Variants in CDH18 observed in about 807,000 individuals in gnomAD.
The protein encoded by CDH18 is cadherin 18, also known as cadherin-18.
Under a neutral mutation model 67.9 loss-of-function variants are expected in CDH18, and 31 were observed. The ratio of observed to expected loss-of-function variants is 0.46; its 90% CI spans 0.34 to 0.62. CDH18 has a LOEUF of 0.62. Among genes scored for constraint, CDH18 ranks in the 20% least tolerant of loss-of-function variants. CDH18 has a pLI of 0.01. For missense variants in CDH18, 890 were observed against 975.5 expected (o/e 0.91, Z 1.17); for synonymous variants, 362 against 347.2 (o/e 1.04, Z -0.48).
chr5:20,050,294 G>A (rs971412441), intron 2 of CDH18, among the ~76,000 whole-genome samples: 3 of 151,782 alleles, frequency 2.0e-5, no homozygotes, highest in African/African-American at 7.2e-5. Context: ...ATTTGGGTAT[G>A]CTGTAGCCAA....
At position 19,994,701 on chromosome 5, in the gene CDH18, GTATATATATATA is replaced by G. The variant is rs1166254040; in HGVS notation, c.-517-2699_-517-2688del. ...CCAAGTCAAATGCTAACCTCTTCCA[GTATATATATATA>G]TATATATATATATATATATATATAT... On this transcript the variant is annotated intron_variant, in intron 2 of 14. Coordinates refer to the CDH18 transcript ENST00000507958. 7.1e-3 allele frequency among the ~76,000 whole-genome samples: 159 copies of G among 22,448 alleles called. 3 individuals carry two copies. Among genetic ancestry groups the G allele is most frequent in the African/African-American group, 0.011 (56 of 4,900 alleles). 14.7% of individuals were successfully genotyped at this position (22,448 alleles called of 152,430 possible).
At position 19,854,598 on chromosome 5, in the gene CDH18, A is replaced by G. The variant is rs1272123890; in HGVS notation, c.-256-15356T>C. Among the ~76,000 whole-genome samples, 4 of 152,062 alleles carry G rather than the reference A, an allele frequency of 2.6e-5. No individual in the cohort carries two copies. The East Asian group carries it at 7.7e-4, about 29-fold the overall frequency. On this transcript the variant is annotated intron_variant, in intron 2 of 12. Transcript: ENST00000382275. The stretch of plus-strand genomic sequence containing the variant: ...AAAATGGAAATGTTATGGTACCATA[A>G]AAGTTCACCTGTTAACATTTACAGA...
At chr5:19,558,516 C>A (rs1172950871) in intron 8 of CDH18, among the ~76,000 whole-genome samples, 1 of 151,892 alleles carries the variant, frequency 6.6e-6, no homozygotes, top group East Asian at 1.9e-4. Flanking sequence ...TTATGAACAA[C>A]TTTATGCACA....
intron 3 of CDH18, among the ~76,000 whole-genome samples, chr5:19,833,579 G>C (rs1359925454): frequency 2.0e-5 from 3 of 152,108 alleles, no homozygotes; most frequent in African/African-American, 7.2e-5. Flanking sequence ...TGGTGAGAGA[G>C]GGCATCGTTG....
chr5:19,564,777 C>T (rs1427461999), intron 8 of CDH18, among the ~76,000 whole-genome samples: 1 of 152,036 alleles, frequency 6.6e-6, no homozygotes, highest in Non-Finnish European at 1.5e-5. Flanking sequence ...TGATTCCAGG[C>T]GTTGGCTCAG....
At chr5:19,683,528 T>G (rs1162084523) in intron 5 of CDH18, among the ~76,000 whole-genome samples, 1 of 152,076 alleles carries the variant, frequency 6.6e-6, no homozygotes, top group African/African-American at 2.4e-5. Flanking sequence ...TTTAAGATGT[T>G]AGATTGTTTT....
chr5:19,803,689 T>G (rs1777704078), intron 3 of CDH18: 1 of 152,198 alleles, frequency 6.6e-6, no homozygotes, highest in African/African-American at 2.4e-5. Flanking sequence ...ATGTTTACAT[T>G]TTCAATAAAA....
At chr5:19,854,882 C>A (rs1001529300) in intron 2 of CDH18, among the ~76,000 whole-genome samples, 1 of 150,742 alleles carries the variant, frequency 6.6e-6, no homozygotes, top group Non-Finnish European at 1.5e-5. Context: ...CCCCTCCCCC[C>A]ACTATCCTTT....
rs1022693619 is a variant in CDH18, at chr5:20,568,956, C to G, written c.-580+6506G>C. ...TTAAAGAGCTTTCTCTCACCAAGTA[C>G]TTTACATTTTGTTTCTAAGGGATAT... On this transcript the variant is annotated intron_variant, in intron 1 of 14. Transcript: ENST00000507958. Among the ~76,000 whole-genome samples the G allele has an allele frequency of 2.6e-5, 4 of 152,184 alleles. No individual in the cohort carries two copies. The East Asian group carries it at 7.7e-4, about 29-fold the overall frequency.
chr5:19,964,650 A>T (rs1212926504), intron 2 of CDH18, among the ~76,000 whole-genome samples: 1 of 149,432 alleles, frequency 6.7e-6, no homozygotes, highest in Non-Finnish European at 1.5e-5. Context: ...CCTGTATCAA[A>T]AAAAAAAAAA....
chr5:20,531,419 C>T (rs539235566), intron 1 of CDH18, among the ~76,000 whole-genome samples: 4 of 152,172 alleles, frequency 2.6e-5, no homozygotes, highest in African/African-American at 9.6e-5. Flanking sequence ...AATCATTCCA[C>T]TATAAAAATA....
intron 7 of CDH18, among the ~76,000 whole-genome samples, chr5:19,590,095 C>T (rs1443234119): frequency 2.6e-5 from 4 of 152,092 alleles, no homozygotes; most frequent in Admixed American, 6.6e-5. Context: ...TTGCTCCAGA[C>T]TTATCCTTCT....
chr5:19,840,244 C>A, intron 2 of CDH18, among the ~76,000 whole-genome samples: 1 of 137,194 alleles, frequency 7.3e-6, no homozygotes, highest in African/African-American at 2.7e-5. Flanking sequence ...CACTGCACTC[C>A]AGCCTGGGAG....
intron 2 of CDH18, among the ~76,000 whole-genome samples, chr5:20,045,838 G>A (rs1390937917): frequency 6.6e-6 from 1 of 151,936 alleles, no homozygotes; most frequent in Non-Finnish European, 1.5e-5. Flanking sequence ...GAAATTCAAG[G>A]CCAGAAAGCA....
chr5:19,817,166 G>A (rs570799082), intron 3 of CDH18, among the ~76,000 whole-genome samples: 14 of 151,862 alleles, frequency 9.2e-5, no homozygotes, highest in Non-Finnish European at 1.5e-4. Context: ...TAAAGTACAC[G>A]GGGATATCTT....
At chr5:20,517,833 T>C (rs1379574620) in intron 1 of CDH18, among the ~76,000 whole-genome samples, 5 of 152,068 alleles carry the variant, frequency 3.3e-5, no homozygotes, top group Non-Finnish European at 7.4e-5. Flanking sequence ...TTTGAGGTGA[T>C]TGTGGTTGTT....
intron 3 of CDH18, among the ~76,000 whole-genome samples, chr5:19,803,556 G>A (rs1029769134): frequency 6.6e-6 from 1 of 152,142 alleles, no homozygotes. Flanking sequence ...GGCCAGCACT[G>A]GTCTAAACCC....
At position 19,523,335 on chromosome 5, in the gene CDH18, T is replaced by C. The variant is rs1171223781; in HGVS notation, c.1391-2557A>G. Among the ~76,000 whole-genome samples the C allele has an allele frequency of 2.0e-5, 3 of 152,116 alleles. No homozygotes were observed. In the East Asian group the frequency reaches 5.8e-4, roughly 29 times the overall value. On this transcript the variant is annotated intron_variant, in intron 9 of 12. Transcript: ENST00000382275. ...AAAACAAGAAGGAAGAATTGATAAA[T>C]TTGATTGCACTAAAACATGATTTCT...
At chr5:19,864,279 C>G (rs908827971) in intron 2 of CDH18, among the ~76,000 whole-genome samples, 7 of 148,572 alleles carry the variant, frequency 4.7e-5, no homozygotes, top group Admixed American at 6.8e-5. Flanking sequence ...ATCACAAGGA[C>G]AAAAAACCAA....
Sources: gnomAD v4.1 joint callset for allele counts (sites outside exome capture counted in the v4.1 genomes callset) on GRCh38, gnomAD v4.1.1 for gene constraint, MANE v1.5 for transcripts, NCBI Gene and HGNC (gene_info 2026-07-23, HGNC 2026-07-21) for gene names.